CSMD1: variants seen among roughly 807,000 people sequenced by gnomAD.
CSMD1 encodes CUB and Sushi multiple domains 1.
A neutral mutation model predicts 417.5 loss-of-function variants in CSMD1; 213 were observed. The observed-to-expected ratio is 0.51, with a 90% CI of 0.46 to 0.57. The LOEUF (loss-of-function observed/expected upper bound fraction) is 0.57. CSMD1 is among the 20% of genes least tolerant of loss of function. CSMD1 has a pLI of 0.00. For missense variants in CSMD1, 6,923 were observed against 4,529.7 expected (o/e 1.53, Z -15.17); for synonymous variants, 2,862 against 1,736.8 (o/e 1.65, Z -16.11).
At chr8:3,071,880 C>T (rs1033743534) in intron 49 of CSMD1, among the ~76,000 whole-genome samples, 3 of 152,178 alleles carry the variant, frequency 2.0e-5, no homozygotes, top group Admixed American at 6.5e-5. Context: ...GAACACTGCA[C>T]CATGTGCACA....
chr8:3,850,891 C>A (rs921352825), intron 5 of CSMD1, among the ~76,000 whole-genome samples: 1 of 152,034 alleles, frequency 6.6e-6, no homozygotes, highest in Non-Finnish European at 1.5e-5. Flanking sequence ...ATTATTATCA[C>A]AGGAAACAGA....
chr8:4,205,100 G>T (rs375697622), intron 3 of CSMD1, among the ~76,000 whole-genome samples: 3 of 152,090 alleles, frequency 2.0e-5, no homozygotes, highest in Middle Eastern at 6.8e-3. Flanking sequence ...GCTTTAAAAA[G>T]AAACATGATT....
At chr8:4,965,194 C>G (rs1460364602) in intron 1 of CSMD1, among the ~76,000 whole-genome samples, 1 of 152,148 alleles carries the variant, frequency 6.6e-6, no homozygotes, top group African/African-American at 2.4e-5. Flanking sequence ...AGAAAACACA[C>G]ATGAAGGGCC....
intron 29 of CSMD1, among the ~76,000 whole-genome samples, chr8:3,217,003 C>A (rs1488900481): frequency 1.3e-5 from 2 of 151,934 alleles, no homozygotes; most frequent in Non-Finnish European, 2.9e-5. Context: ...AGGCTGGATG[C>A]AATGGCATCA....
At chr8:3,291,553 G>T (rs1803564248) in intron 25 of CSMD1, among the ~76,000 whole-genome samples, 1 of 152,096 alleles carries the variant, frequency 6.6e-6, no homozygotes, top group South Asian at 2.1e-4. Flanking sequence ...GTTTAGTCTT[G>T]GGAGGATGTA....
intron 46 of CSMD1, among the ~76,000 whole-genome samples, chr8:3,102,630 T>C (rs78927299): frequency 0.013 from 2,019 of 152,320 alleles, 39 homozygotes; most frequent in African/African-American, 0.047. Flanking sequence ...GATAACAGCA[T>C]GCACTTCTGA....
chr8:3,776,857 C>A (rs1305174557), intron 5 of CSMD1, among the ~76,000 whole-genome samples: 3 of 142,952 alleles, frequency 2.1e-5, no homozygotes, highest in African/African-American at 8.2e-5. Context: ...ATGACAGATA[C>A]AGACAAAGAT....
intron 5 of CSMD1, among the ~76,000 whole-genome samples, chr8:3,765,381 T>G (rs1435270030): frequency 1.3e-5 from 2 of 152,178 alleles, no homozygotes; most frequent in Non-Finnish European, 2.9e-5. Context: ...TTTAATAGAC[T>G]TAACCACTCC....
intron 2 of CSMD1, among the ~76,000 whole-genome samples, chr8:4,464,517 G>A (rs1476751446): frequency 2.0e-5 from 3 of 152,096 alleles, no homozygotes; most frequent in Admixed American, 2.0e-4. Flanking sequence ...AGTATCTCGT[G>A]TCATTTATTC....
At chr8:4,704,004 G>T (rs375191637) in intron 1 of CSMD1, among the ~76,000 whole-genome samples, 14 of 152,294 alleles carry the variant, frequency 9.2e-5, no homozygotes, top group African/African-American at 2.9e-4. Flanking sequence ...AGAATCTAAT[G>T]CCGATGCCGA....
chr8:4,173,254 G>A (rs79978503), intron 3 of CSMD1, among the ~76,000 whole-genome samples: 3,303 of 152,186 alleles, frequency 0.022, 91 homozygotes, highest in African/African-American at 0.057. Context: ...CGCAACATTT[G>A]GAATGTAATA....
At chr8:3,596,701 A>C (rs1193389759) in intron 8 of CSMD1, among the ~76,000 whole-genome samples, 1 of 152,144 alleles carries the variant, frequency 6.6e-6, no homozygotes, top group East Asian at 1.9e-4. Flanking sequence ...ATCCAGGCTT[A>C]AGGAGCACCA....
chr8:4,492,181 C>T (rs922224569), intron 2 of CSMD1, among the ~76,000 whole-genome samples: 7 of 152,200 alleles, frequency 4.6e-5, no homozygotes, highest in Admixed American at 4.6e-4. Context: ...ACTACAGCCT[C>T]TGACTTCAAG....
intron 5 of CSMD1, among the ~76,000 whole-genome samples, chr8:3,803,804 T>C (rs1004142900): frequency 1.6e-4 from 24 of 152,280 alleles, no homozygotes; most frequent in Admixed American, 1.6e-3. Context: ...CTGCCTACTA[T>C]GTGGAGAATG....
At chr8:4,163,471 T>G (rs1420166529) in intron 3 of CSMD1, among the ~76,000 whole-genome samples, 1 of 152,246 alleles carries the variant, frequency 6.6e-6, no homozygotes, top group Admixed American at 6.5e-5. Context: ...TGTGAGTTAC[T>G]TTTATTTAGA....
chr8:3,864,814 T>A (rs1024935266), intron 5 of CSMD1, among the ~76,000 whole-genome samples: 5 of 152,226 alleles, frequency 3.3e-5, no homozygotes, highest in Admixed American at 1.3e-4. Context: ...AAAGAGCTAT[T>A]TGTTATACAG....
intron 2 of CSMD1, among the ~76,000 whole-genome samples, chr8:4,603,900 T>G (rs1800727762): frequency 6.6e-6 from 1 of 152,150 alleles, no homozygotes; most frequent in Non-Finnish European, 1.5e-5. Flanking sequence ...TAAGTATTAC[T>G]CTGGGGGATT....
chr8:3,800,071 G>A (rs1800374140), intron 5 of CSMD1, among the ~76,000 whole-genome samples: 1 of 152,076 alleles, frequency 6.6e-6, no homozygotes, highest in South Asian at 2.1e-4. Context: ...AAAAACATTT[G>A]CAGTTGATGC....
At chr8:4,845,129 G>C (rs1190050033) in intron 1 of CSMD1, among the ~76,000 whole-genome samples, 1 of 151,822 alleles carries the variant, frequency 6.6e-6, no homozygotes, top group African/African-American at 2.4e-5. Context: ...AGTTTTATTA[G>C]TATATAAAAA....
Sources: allele counts gnomAD v4.1 joint callset (sites outside exome capture counted in the v4.1 genomes callset), GRCh38; gene constraint gnomAD v4.1.1; transcripts MANE v1.5; gene names NCBI Gene and HGNC (gene_info 2026-07-23, HGNC 2026-07-21).